Variants in ARHGAP28 observed in about 807,000 individuals in gnomAD.
ARHGAP28 encodes rho GTPase-activating protein 28.
ARHGAP28 carries 56 observed loss-of-function variants against 90.7 expected under a neutral mutation model. That is an observed-to-expected ratio of 0.62 (90% confidence interval 0.50 to 0.77). The LOEUF (loss-of-function observed/expected upper bound fraction) is 0.77. Among genes scored for constraint, ARHGAP28 ranks in the 30% least tolerant of loss-of-function variants. ARHGAP28 has a pLI of 0.00. For missense variants in ARHGAP28, 869 were observed against 900.9 expected (o/e 0.96, Z 0.45); for synonymous variants, 308 against 323.3 (o/e 0.95, Z 0.51).
chr18:6,730,219 GTGTATATATA>G (rs2055866735), intron 1 of ARHGAP28: 1 of 157,414 alleles, frequency 6.4e-6, no homozygotes. Context: ...GATAAGTCAT[GTGTATATATA>G]TATATATACC....
chr18:6,880,429 G>A lies in ARHGAP28; in HGVS notation c.1291-1708G>A, dbSNP rs79597783. ...GCCTGTCACTCGCTTCCACCCACCC[G>A]ACCTATGCCAAGCTCCACGCTCCCC... On this transcript the variant is annotated intron_variant, in intron 10 of 17. Transcript: ENST00000383472. 3.6e-3 allele frequency among the ~76,000 whole-genome samples: 545 copies of A among 152,108 alleles called. 4 individuals carry two copies. Among genetic ancestry groups the A allele is most frequent in the African/African-American group, 0.012 (505 of 41,494 alleles).
intron 1 of ARHGAP28, chr18:6,789,276 A>G (rs1310471941): frequency 2.0e-5 from 3 of 152,158 alleles, no homozygotes; most frequent in Non-Finnish European, 4.4e-5. Context: ...ACAGATGTAC[A>G]CTTTGAAAAG....
intron 1 of ARHGAP28, among the ~76,000 whole-genome samples, chr18:6,817,208 GC>G: frequency 1.3e-5 from 2 of 151,982 alleles, no homozygotes; most frequent in Middle Eastern, 6.8e-3. Context: ...CAGCTACTCA[GC>G]AGGCTGAGGC....
intron 1 of ARHGAP28, among the ~76,000 whole-genome samples, chr18:6,783,136 A>T (rs2056338324): frequency 6.6e-6 from 1 of 152,102 alleles, no homozygotes. Context: ...ACTTTGCCTC[A>T]GGCATTCATC....
intron 1 of ARHGAP28, chr18:6,790,415 A>G (rs990533691): frequency 3.9e-5 from 6 of 152,204 alleles, no homozygotes; most frequent in African/African-American, 1.2e-4. Flanking sequence ...AAAATGATGA[A>G]TTAGTCCAAA....
At chr18:6,772,639 A>G (rs1296121745) in intron 1 of ARHGAP28, among the ~76,000 whole-genome samples, 1 of 152,210 alleles carries the variant, frequency 6.6e-6, no homozygotes, top group East Asian at 1.9e-4. Flanking sequence ...ATGGTAGGCT[A>G]GGGTGAGCTG....
intron 4 of ARHGAP28, among the ~76,000 whole-genome samples, chr18:6,855,248 T>G (rs946563225): frequency 3.6e-4 from 54 of 152,038 alleles, no homozygotes; most frequent in African/African-American, 9.7e-4. Flanking sequence ...CTGACCAGAG[T>G]GAGGACTCCA....
chr18:6,816,047 C>A (rs1196553448), intron 1 of ARHGAP28, among the ~76,000 whole-genome samples: 3 of 152,154 alleles, frequency 2.0e-5, no homozygotes, highest in African/African-American at 4.8e-5. Flanking sequence ...TCAGGCAGAT[C>A]TATTTACCTG....
chr18:6,827,221 T>C (rs2056672217), intron 2 of ARHGAP28, among the ~76,000 whole-genome samples: 1 of 151,820 alleles, frequency 6.6e-6, no homozygotes, highest in East Asian at 1.9e-4. Flanking sequence ...CCAGACAGGG[T>C]GGTGGCCGGG....
chr18:6,836,187 A>G (rs2056752259), intron 2 of ARHGAP28: 1 of 152,358 alleles, frequency 6.6e-6, no homozygotes, highest in South Asian at 2.1e-4. Flanking sequence ...TGAGACACAG[A>G]GGAGGCAACT....
intron 1 of ARHGAP28, among the ~76,000 whole-genome samples, chr18:6,783,692 G>A (rs563389431): frequency 4.9e-4 from 74 of 152,160 alleles, no homozygotes; most frequent in Non-Finnish European, 9.4e-4. Context: ...CGCTCTGCGG[G>A]GAGCTCATCC....
chr18:6,815,800 T>A (rs537458520), intron 1 of ARHGAP28, among the ~76,000 whole-genome samples: 1 of 152,346 alleles, frequency 6.6e-6, no homozygotes, highest in African/African-American at 2.4e-5. Flanking sequence ...AATTTTTGGT[T>A]TGAAGTTGTT....
At chr18:6,761,778 A>G (rs927824367) in intron 1 of ARHGAP28, among the ~76,000 whole-genome samples, 3 of 152,312 alleles carry the variant, frequency 2.0e-5, no homozygotes, top group East Asian at 3.9e-4. Context: ...CGGAAGACTC[A>G]ATTCCTCTTT....
intron 16 of ARHGAP28, among the ~76,000 whole-genome samples, chr18:6,903,243 A>T (rs374778444): frequency 1.6e-4 from 24 of 152,302 alleles, no homozygotes; most frequent in African/African-American, 5.5e-4. Context: ...CTTGTACAAC[A>T]TTATGAATAT....
At chr18:6,839,590 C>A (rs539534676) in intron 3 of ARHGAP28, among the ~76,000 whole-genome samples, 2 of 152,184 alleles carry the variant, frequency 1.3e-5, no homozygotes, top group African/African-American at 2.4e-5. Flanking sequence ...AGCCACTGCG[C>A]CCGGCCATAA....
chr18:6,736,747 CA>C (rs34584836), intron 1 of ARHGAP28, among the ~76,000 whole-genome samples: 1 of 80,276 alleles, frequency 1.2e-5, no homozygotes, highest in African/African-American at 4.9e-5. Context: ...AACTCCATTT[CA>C]AAAAAAAAAA....
intron 14 of ARHGAP28, among the ~76,000 whole-genome samples, chr18:6,891,541 C>T (rs1005553960): frequency 1.3e-5 from 2 of 152,102 alleles, no homozygotes; most frequent in African/African-American, 4.8e-5. Flanking sequence ...GACTCAGCCT[C>T]CCGAAGTGCT....
intron 3 of ARHGAP28, among the ~76,000 whole-genome samples, chr18:6,841,193 CTCTCT>C (rs1424246587): frequency 9.8e-5 from 6 of 61,310 alleles, no homozygotes; most frequent in South Asian, 7.6e-4. Context: ...CTCTCTCTCT[CTCTCT>C]CTCTCCTCTC....
intron 1 of ARHGAP28, among the ~76,000 whole-genome samples, chr18:6,808,765 A>T (rs918660176): frequency 6.6e-6 from 1 of 152,174 alleles, no homozygotes; most frequent in South Asian, 2.1e-4. Context: ...TGATATATAT[A>T]TTTTTAGTAT....
Sources: gnomAD v4.1 joint callset for allele counts (sites outside exome capture counted in the v4.1 genomes callset) on GRCh38, gnomAD v4.1.1 for gene constraint, MANE v1.5 for transcripts, NCBI Gene and HGNC (gene_info 2026-07-23, HGNC 2026-07-21) for gene names.